Variants in APCDD1L observed in about 807,000 individuals in gnomAD.
APCDD1L encodes the protein protein APCDD1-like.
APCDD1L carries 21 observed loss-of-function variants against 24.2 expected under a neutral mutation model. That is an observed-to-expected ratio of 0.87 (90% confidence interval 0.61 to 1.25). The LOEUF (loss-of-function observed/expected upper bound fraction) is 1.25. APCDD1L is among the 50% of genes most tolerant of loss of function. APCDD1L has a pLI of 0.00. For missense variants in APCDD1L, 704 were observed against 711.7 expected (o/e 0.99, Z 0.12); for synonymous variants, 321 against 323.6 (o/e 0.99, Z 0.09).
At chr20:58,474,909 C>T (rs1037784546) in intron 1 of APCDD1L, among the ~76,000 whole-genome samples, 7 of 152,134 alleles carry the variant, frequency 4.6e-5, no homozygotes, top group Admixed American at 3.3e-4. Context: ...ATCTCGGCAA[C>T]AATGACTCCG....
intron 1 of APCDD1L, among the ~76,000 whole-genome samples, chr20:58,478,340 G>T (rs1310123866): frequency 4.0e-5 from 5 of 124,062 alleles, no homozygotes; most frequent in African/African-American, 1.5e-4. Context: ...TGTCACTTTA[G>T]GCTTCTTAAC....
rs1167545151 is a variant in APCDD1L at position 58,467,312 on chromosome 20, C to A, written c.535G>T (p.Ala179Ser). ...TCCAGGCAGTCCCCCTGAGCCCGGG[C>A]GCTCCGCAGCTCGTACAGCGCCCCA... ...LPGALYELRS[A>S]RAQGDCLEAL... The change falls in exon 3 of 4, where the codon GCC (alanine) becomes TCC (serine). Residue 179 changes from alanine (A) to serine (S), a missense_variant. Physicochemically the swap from Ala to Ser is moderately conservative, Grantham distance 99. Coordinates refer to ENST00000371149, the MANE Select transcript of APCDD1L (RefSeq NM_153360.3). The surrounding 1 kb of genome is among the most constrained non-coding windows in gnomAD (Gnocchi z 5.9). 1.3e-6 allele frequency: 2 copies of A among 1,523,292 alleles called. No homozygotes were observed. Among genetic ancestry groups the A allele is most frequent in the Admixed American group, 2.0e-5 (1 of 49,880 alleles). The allele number at this position is 1,523,292 out of a possible 1,614,324, so 94.4% of individuals were successfully genotyped here.
intron 1 of APCDD1L, among the ~76,000 whole-genome samples, chr20:58,511,992 A>G (rs985726453): frequency 2.0e-5 from 3 of 152,220 alleles, no homozygotes; most frequent in African/African-American, 7.2e-5. Context: ...AGATTTTTAA[A>G]AGCCAGAAAT....
In APCDD1L at chr20:58,461,422, G is replaced by T. The variant is rs746411619; in HGVS notation, c.874C>A (p.Arg292Ser). ...GWWVSSGCEV[R>S]PAVLFLTRLF... is the part of the protein sequence containing the mutation. ...CGGGTGAGGAACAGGACTGCTGGGC[G>T]CACCTCGCACCCCGAGCTGACCCAC... Residue 292 changes from arginine (R) to serine (S), a missense_variant, in exon 4 of 4, where the codon CGC becomes AGC. By Grantham distance (110) the Arg-to-Ser change is moderately radical. Transcript: ENST00000371149. The surrounding 1 kb of genome is among the most constrained non-coding windows in gnomAD (Gnocchi z 6.0). 1 of 1,531,094 alleles carries T rather than the reference G, an allele frequency of 6.5e-7. No homozygotes were observed. The highest frequency in any genetic ancestry group is 1.8e-4 in the Middle Eastern group (1 of 5,440). 94.8% of individuals were successfully genotyped at this position (1,531,094 alleles called of 1,614,324 possible). A position where few individuals can be genotyped will look rare whatever the true frequency, so the allele number is the denominator to read the frequency against.
chr20:58,461,293 G>A lies in APCDD1L; in HGVS notation c.1003C>T (p.Arg335Cys), dbSNP rs149843642. 3.0e-5 allele frequency: 49 copies of A among 1,611,436 alleles called. No individual in the cohort carries two copies. The highest frequency in any genetic ancestry group is 4.5e-5 in the East Asian group (2 of 44,810). Residue 335 changes from arginine to cysteine, a missense_variant, in exon 4 of 4, where the codon CGC becomes TGC. Arg to Cys is a radical substitution (Grantham distance 180). Coordinates refer to ENST00000371149, the MANE Select transcript of APCDD1L (RefSeq NM_153360.3). The surrounding 1 kb of genome is among the most constrained non-coding windows in gnomAD (Gnocchi z 6.0). ...GTGGATGGCGTGCCCCTGGTGTAGCGGCCGGCGGCATACACGGTGAAGGTG... is the reference window on the plus strand; with the variant it reads ...GTGGATGGCGTGCCCCTGGTGTAGCAGCCGGCGGCATACACGGTGAAGGTG... ...QPTFTVYAAG[R>C]YTRGTPSTRV... is the part of the protein sequence containing the mutation.
At chr20:58,513,707 T>C in intron 1 of APCDD1L, 2 of 427,060 alleles carry the variant, frequency 4.7e-6, no homozygotes, top group South Asian at 3.7e-5. Flanking sequence ...GTGATCCTCC[T>C]GCACGTGCTC....
chr20:58,499,620 C>T (rs945628163), intron 1 of APCDD1L, among the ~76,000 whole-genome samples: 71 of 152,350 alleles, frequency 4.7e-4, no homozygotes, highest in South Asian at 4.1e-4. Context: ...CCTCCATCCA[C>T]CTCAGTGCCC....
chr20:58,464,489 TAAAC>T (rs980497518), intron 3 of APCDD1L, among the ~76,000 whole-genome samples: 1 of 152,212 alleles, frequency 6.6e-6, no homozygotes, highest in Non-Finnish European at 1.5e-5. Flanking sequence ...CATGCGTTAA[TAAAC>T]AAAGCCCCCA....
rs919974559 is a variant in APCDD1L at position 58,497,599 on chromosome 20, G to C, written c.49+17060C>G. ...TCGTCTTCCTTCGACGCAGGTCTGC[G>C]TCCAAATATCCCCTTTCTATGAGGA... is the stretch of plus-strand genomic sequence containing the variant. On this transcript the variant is annotated intron_variant, in intron 1 of 3. Transcript: ENST00000371149. The surrounding 1 kb of genome is among the most constrained non-coding windows in gnomAD (Gnocchi z 4.3). Among the ~76,000 whole-genome samples, 2 of 152,046 alleles carry C rather than the reference G, an allele frequency of 1.3e-5. No homozygotes were observed. The highest frequency in any genetic ancestry group is 6.6e-5 in the Admixed American group (1 of 15,264).
chr20:58,506,085 C>T (rs939774597), intron 1 of APCDD1L, among the ~76,000 whole-genome samples: 1 of 152,012 alleles, frequency 6.6e-6, no homozygotes, highest in South Asian at 2.1e-4. Context: ...TTTGTTATGA[C>T]AGCCCCAGGA....
rs373214198 is a variant in APCDD1L, at chr20:58,507,456, T to C, written c.49+7203A>G. On this transcript the variant is annotated intron_variant, in intron 1 of 3. Coordinates refer to ENST00000371149, the MANE Select transcript of APCDD1L (RefSeq NM_153360.3). ...GCTGTCTTTTTTCTCTGAGGTAAGT[T>C]GGTCTTTCTCCCTCTCCCTGACTCT... Among the ~76,000 whole-genome samples the C allele has an allele frequency of 1.1e-4, 16 of 152,188 alleles. No homozygotes were observed. In the East Asian group the frequency reaches 2.9e-3, roughly 28 times the overall value.
At chr20:58,499,492 C>A (rs1282570457) in intron 1 of APCDD1L, among the ~76,000 whole-genome samples, 1 of 152,200 alleles carries the variant, frequency 6.6e-6, no homozygotes, top group Admixed American at 6.5e-5. Context: ...CTCATGCCAG[C>A]CTTACCTCTG....
In APCDD1L at chr20:58,460,454, C is replaced by T. The variant is rs752929879; in HGVS notation, c.*336G>A. On this transcript the variant is annotated 3_prime_UTR_variant, in exon 4 of 4. Coordinates refer to ENST00000371149, the MANE Select transcript of APCDD1L (RefSeq NM_153360.3). The surrounding 1 kb of genome is among the most constrained non-coding windows in gnomAD (Gnocchi z 4.2). ...GGGGGAACATGGGATGGGGGTGTTCCGTGTGGCCCCCTGACTGCACCTGTT... is the reference window on the plus strand; with the variant it reads ...GGGGGAACATGGGATGGGGGTGTTCTGTGTGGCCCCCTGACTGCACCTGTT... 4.7e-6 allele frequency: 1 copy of T among 212,424 alleles called. No homozygotes were observed. The highest frequency in any genetic ancestry group is 9.4e-6 in the Non-Finnish European group (1 of 106,718). 13.2% of individuals were successfully genotyped at this position (212,424 alleles called of 1,614,324 possible).
intron 1 of APCDD1L, among the ~76,000 whole-genome samples, chr20:58,506,515 C>T (rs531258982): frequency 3.0e-4 from 45 of 152,290 alleles, no homozygotes; most frequent in Middle Eastern, 3.4e-3. Context: ...CAAGCAGCCC[C>T]ATGGGTTAAA....
At chr20:58,504,184 C>T (rs143112216) in intron 1 of APCDD1L, among the ~76,000 whole-genome samples, 5 of 152,174 alleles carry the variant, frequency 3.3e-5, no homozygotes, top group Non-Finnish European at 5.9e-5. Context: ...TTGCTCAGGG[C>T]AAAGGCTCCA....
chr20:58,489,917 A>C (rs1321257949), intron 1 of APCDD1L, among the ~76,000 whole-genome samples: 3 of 152,164 alleles, frequency 2.0e-5, no homozygotes, highest in Non-Finnish European at 2.9e-5. Context: ...AGGATGGGAA[A>C]ATTAACAATA....
rs763062497 is a variant in APCDD1L at position 58,467,107 on chromosome 20, A to AG, written c.739dup (p.Leu247ProfsTer108). 2.5e-6 allele frequency: 4 copies of AG among 1,601,140 alleles called. No homozygotes were observed. In the African/African-American group the frequency reaches 5.4e-5, roughly 22 times the overall value. On this transcript the variant is annotated frameshift_variant and splice_region_variant, in exon 3 of 4. Transcript: ENST00000371149. LOFTEE classifies it low-confidence loss of function (END_TRUNC). The surrounding 1 kb of genome is among the most constrained non-coding windows in gnomAD (Gnocchi z 5.9). ...CCACACCCCAACACACACACTCACC[A>AG]GTGCGCTCTGCAGCGGGCGCTGGTA...
At chr20:58,478,246 T>G (rs1332137034) in intron 1 of APCDD1L, among the ~76,000 whole-genome samples, 1 of 152,174 alleles carries the variant, frequency 6.6e-6, no homozygotes, top group East Asian at 1.9e-4. Context: ...TGGCCATTTC[T>G]CCAAGGAGCT....
In APCDD1L at chr20:58,515,004, A is replaced by T; in HGVS notation, c.-297T>A. 3.2e-6 allele frequency: 1 copy of T among 309,472 alleles called. No individual in the cohort carries two copies. The highest frequency in any genetic ancestry group is 5.1e-5 in the Admixed American group (1 of 19,666). The allele number at this position is 309,472 out of a possible 1,614,324, so 19.2% of individuals were successfully genotyped here. A position where few individuals can be genotyped will look rare whatever the true frequency, so the allele number is the denominator to read the frequency against. ...ACAGCCCCCTGGTGCAGCTCCTGCCATTCAGACCCCCAGCCCTCCCCCAGA... is the reference window on the plus strand; with the variant it reads ...ACAGCCCCCTGGTGCAGCTCCTGCCTTTCAGACCCCCAGCCCTCCCCCAGA... On this transcript the variant is annotated 5_prime_UTR_variant, in exon 1 of 4. An upstream start codon of the reference 5' UTR is lost. Coordinates refer to ENST00000371149, the MANE Select transcript of APCDD1L (RefSeq NM_153360.3).
Sources: gnomAD v4.1 joint callset for allele counts (sites outside exome capture counted in the v4.1 genomes callset) on GRCh38, gnomAD v4.1.1 for gene constraint, Gnocchi (gnomAD v3.1) non-coding constraint, MANE v1.5 for transcripts, NCBI Gene and HGNC (gene_info 2026-07-23, HGNC 2026-07-21) for gene names.